The following RBM44 variants were observed in gnomAD, a reference collection of about 807,000 sequenced individuals.
RBM44 encodes the protein RNA binding motif protein 44.
In RBM44, 66 loss-of-function variants were observed where a neutral mutation model predicts 105.1. The observed-to-expected ratio is 0.63, with a 90% CI of 0.52 to 0.77. The LOEUF is 0.77. RBM44 is among the 30% of genes least tolerant of loss of function. The pLI is 0.00. For synonymous variants in RBM44, 365 were observed against 417.6 expected (o/e 0.87, Z 1.54); for missense variants, 1,122 against 1,207.8 (o/e 0.93, Z 1.05).
In RBM44 at chr2:237,814,242, A is replaced by G. The variant is rs1371403919; in HGVS notation, c.73+560A>G. 2.6e-5 allele frequency among the ~76,000 whole-genome samples: 4 copies of G among 152,330 alleles called. No homozygotes were observed. In the East Asian group the frequency reaches 7.7e-4, roughly 29 times the overall value. ...AAGGTTTAGGATAAAAGGATGGACA[A>G]GTTAAACAAATTAACTTAAAAATTT... On this transcript the variant is annotated intron_variant, in intron 2 of 15. Transcript: ENST00000316997.
chr2:237,829,480 G>A lies in RBM44; in HGVS notation c.2864G>A (p.Ser955Asn), dbSNP rs2061882414. 6.2e-7 allele frequency: 1 copy of A among 1,612,302 alleles called. No homozygotes were observed. The highest frequency in any genetic ancestry group is 1.3e-5 in the African/African-American group (1 of 74,826). Reference sequence around the variant, plus strand: ...CGGCAGCTGGGTTCTGAGCAAGACAGTGAGGTTTTCCCTTCCGACCAGGTT... The same window carrying A: ...CGGCAGCTGGGTTCTGAGCAAGACAATGAGGTTTTCCCTTCCGACCAGGTT... The part of the protein sequence containing the change: ...RPRQLGSEQD[S>N]EVFPSDQGVK... Residue 955 changes from serine (S) to asparagine (N), a missense_variant, in exon 13 of 16, where the codon AGT becomes AAT. Around this residue, in one of 3 missense-constraint regions of RBM44, gnomAD observed 194 missense variants for 225.5 expected, o/e 0.86. Coordinates refer to ENST00000316997, the MANE Select transcript of RBM44 (RefSeq NM_001080504.3).
intron 1 of RBM44, among the ~76,000 whole-genome samples, chr2:237,809,844 A>T (rs2061639042): frequency 6.6e-6 from 1 of 152,184 alleles, no homozygotes; most frequent in South Asian, 2.1e-4. Context: ...AAGTGGGAGG[A>T]TCACTTTAAC....
chr2:237,836,675 G>A (rs901447532), intron 15 of RBM44, among the ~76,000 whole-genome samples: 1 of 151,806 alleles, frequency 6.6e-6, no homozygotes, highest in Non-Finnish European at 1.5e-5. Flanking sequence ...AGCTATTCGG[G>A]AGGCTGAGGC....
Position 237,830,444 on chromosome 2 carries a change from T to G in RBM44, c.2886+942T>G, listed in dbSNP as rs1054730849. Among the ~76,000 whole-genome samples the G allele has an allele frequency of 2.4e-4, 37 of 152,130 alleles. 1 individual carries two copies. The highest frequency in any genetic ancestry group is 2.4e-3 in the Admixed American group (37 of 15,266). ...CAGTGTCTTTCTCAGAACAGGGATT[T>G]TTTTTAGTATTTATGAAGTATAATT... On this transcript the variant is annotated intron_variant, in intron 13 of 15. Coordinates refer to ENST00000316997, the MANE Select transcript of RBM44 (RefSeq NM_001080504.3).
rs1444533554 is a variant in RBM44, at chr2:237,842,489, A to G, written c.*673A>G. On this transcript the variant is annotated 3_prime_UTR_variant, in exon 16 of 16. Transcript: ENST00000316997. ...TGCTTTGGTAAAGTACTTAAATTCC[A>G]ATGTTCCCTATAGTGCTTGCATTCA... The G allele has an allele frequency of 6.6e-6, 1 of 152,100 alleles. No homozygotes were observed. Among genetic ancestry groups the G allele is most frequent in the Non-Finnish European group, 1.5e-5 (1 of 67,958 alleles). 9.4% of individuals were successfully genotyped at this position (152,100 alleles called of 1,614,324 possible).
intron 1 of RBM44, among the ~76,000 whole-genome samples, chr2:237,810,140 G>C (rs2061641924): frequency 6.6e-6 from 1 of 152,084 alleles, no homozygotes; most frequent in South Asian, 2.1e-4. Flanking sequence ...TTCATACTAA[G>C]TCTCTGAAAT....
intron 12 of RBM44, among the ~76,000 whole-genome samples, chr2:237,827,708 T>C (rs987900462): frequency 6.6e-6 from 1 of 152,158 alleles, no homozygotes; most frequent in African/African-American, 2.4e-5. Flanking sequence ...CATTATACTT[T>C]ATAACTTGTT....
intron 1 of RBM44, among the ~76,000 whole-genome samples, chr2:237,809,951 A>G (rs1410571861): frequency 6.6e-6 from 1 of 152,186 alleles, no homozygotes; most frequent in Non-Finnish European, 1.5e-5. Flanking sequence ...ACAAAATAAA[A>G]AAACCTTTTT....
Position 237,817,872 on chromosome 2 carries a change from CTCAAAAAG to C in RBM44, c.955_962del (p.Gln319IlefsTer8), listed in dbSNP as rs2061737737. ...CAATCTAAGAGTGGTTCCTTGAGCC[CTCAAAAAG>C]TATTAAAAATGAAAATTTATACTGA... On this transcript the variant is annotated frameshift_variant, in exon 3 of 16. Coordinates refer to ENST00000316997, the MANE Select transcript of RBM44 (RefSeq NM_001080504.3). LOFTEE classifies it high-confidence loss of function. 2 of 1,604,146 alleles carry C rather than the reference CTCAAAAAG, an allele frequency of 1.2e-6. No homozygotes were observed. Among genetic ancestry groups the C allele is most frequent in the Non-Finnish European group, 8.5e-7 (1 of 1,177,204 alleles).
At chr2:237,827,535 A>G (rs1162400561) in intron 12 of RBM44, 32 bp downstream of exon 12, 2 of 1,190,170 alleles carry the variant, frequency 1.7e-6, no homozygotes, top group East Asian at 2.5e-5. Context: ...AATGTGCATT[A>G]TTATGTGTCT....
rs760694771 is a variant in RBM44 at position 237,817,396 on chromosome 2, A to G, written c.477A>G (p.Arg159=). 6.2e-7 allele frequency: 1 copy of G among 1,602,628 alleles called. No homozygotes were observed. The highest frequency in any genetic ancestry group is 2.2e-5 in the East Asian group (1 of 44,560). Residue 159 remains arginine (R), a synonymous_variant, in exon 3 of 16, where the codon AGA becomes AGG. Transcript: ENST00000316997. ...AAGATAAGACTGTTGGCTTGGAAAGAATCTACAATATTTCAGATGCTAATT... is the reference window on the plus strand; with the variant it reads ...AAGATAAGACTGTTGGCTTGGAAAGGATCTACAATATTTCAGATGCTAATT... ...EHQDKTVGLE[R]IYNISDANYR...
chr2:237,819,553 A>G (rs558517505), intron 4 of RBM44, among the ~76,000 whole-genome samples: 1 of 152,134 alleles, frequency 6.6e-6, no homozygotes, highest in South Asian at 2.1e-4. Flanking sequence ...CAATTAAATT[A>G]TTGGTTTCTA....
At chr2:237,808,205 C>T (rs2061618945) in intron 1 of RBM44, among the ~76,000 whole-genome samples, 1 of 152,094 alleles carries the variant, frequency 6.6e-6, no homozygotes, top group Non-Finnish European at 1.5e-5. Flanking sequence ...GTAATCCTAG[C>T]ACTTTGGGAG....
Position 237,803,316 on chromosome 2 carries a change from C to T in RBM44, c.-19+4455C>T, listed in dbSNP as rs899511374. On this transcript the variant is annotated intron_variant, in intron 1 of 15. Coordinates refer to ENST00000316997, the MANE Select transcript of RBM44 (RefSeq NM_001080504.3). This position sits in a 1 kb window ranked among gnomAD's most constrained non-coding sequence, Gnocchi z 4.2. ...TGACAGAGCGAGACACACACACACA[C>T]ACATACTCTCTCTCTCACACACACA... is the stretch of plus-strand genomic sequence containing the variant. Among the ~76,000 whole-genome samples, 2 of 151,460 alleles carry T rather than the reference C, an allele frequency of 1.3e-5. No individual in the cohort carries two copies. The highest frequency in any genetic ancestry group is 4.9e-5 in the African/African-American group (2 of 41,026).
chr2:237,828,670 A>G (rs2061873520), intron 12 of RBM44, among the ~76,000 whole-genome samples: 1 of 152,160 alleles, frequency 6.6e-6, no homozygotes, highest in South Asian at 2.1e-4. Flanking sequence ...ATGATTTTAT[A>G]GGAATAGCTA....
intron 8 of RBM44, among the ~76,000 whole-genome samples, chr2:237,822,251 A>C (rs2061800183): frequency 6.6e-6 from 1 of 152,054 alleles, no homozygotes; most frequent in Non-Finnish European, 1.5e-5. Flanking sequence ...AAAAGTTATA[A>C]TTTCTTCTTT....
Position 237,829,347 on chromosome 2 carries a change from C to T in RBM44, c.2731C>T (p.Leu911Phe). 6.2e-7 allele frequency: 1 copy of T among 1,613,582 alleles called. No homozygotes were observed. The highest frequency in any genetic ancestry group is 8.5e-7 in the Non-Finnish European group (1 of 1,179,616). Reference protein sequence around the residue: ...VKILGEYTSPLSSKNGNRISS... With the variant: ...VKILGEYTSPFSSKNGNRISS... ...AATTCTTGGAGAATATACATCACCA[C>T]TTTCCTCCAAAAATGGGAATAGAAT... Residue 911 changes from leucine to phenylalanine, a missense_variant, in exon 13 of 16, where the codon CTT becomes TTT. Around this residue, in one of 3 missense-constraint regions of RBM44, gnomAD observed 194 missense variants for 225.5 expected, o/e 0.86. Transcript: ENST00000316997.
At chr2:237,801,337 A>G (rs1330895221) in intron 1 of RBM44, among the ~76,000 whole-genome samples, 2 of 152,152 alleles carry the variant, frequency 1.3e-5, no homozygotes, top group East Asian at 3.9e-4. Flanking sequence ...TTAAATATAT[A>G]CACACAATAT....
intron 13 of RBM44, among the ~76,000 whole-genome samples, chr2:237,833,401 T>C (rs1420444816): frequency 1.3e-5 from 2 of 152,238 alleles, no homozygotes; most frequent in Non-Finnish European, 2.9e-5. Context: ...CAGTAACTAA[T>C]TGGTCATTTT....
Sources: gnomAD v4.1 joint callset for allele counts (sites outside exome capture counted in the v4.1 genomes callset) on GRCh38, gnomAD v4.1.1 for gene constraint, gnomAD v4.1.1 regional missense constraint, Gnocchi (gnomAD v3.1) non-coding constraint, MANE v1.5 for transcripts, NCBI Gene and HGNC (gene_info 2026-07-23, HGNC 2026-07-21) for gene names.